SAMD5: variants seen among roughly 807,000 people sequenced by gnomAD.
SAMD5 encodes the protein sterile alpha motif domain-containing protein 5.
In SAMD5, 13 loss-of-function variants were observed where a neutral mutation model predicts 11.3. The observed-to-expected ratio is 1.15, with a 90% CI of 0.75 to 1.83. The LOEUF is 1.83. SAMD5 is among the 40% of genes most tolerant of loss of function. The pLI is 0.00. For synonymous variants in SAMD5, 129 were observed against 111.3 expected (o/e 1.16, Z -1.00); for missense variants, 255 against 239.1 (o/e 1.07, Z -0.44).
the SAMD5 span, among the ~76,000 whole-genome samples, chr6:147,942,887 C>A: frequency 6.8e-6 from 1 of 146,010 alleles, no homozygotes; most frequent in African/African-American, 2.5e-5. Flanking sequence ...TGCAGTGGCA[C>A]AATCTTGGCT....
At chr6:147,656,355 G>T (rs1002256344) in intron 1 of SAMD5, among the ~76,000 whole-genome samples, 3 of 152,058 alleles carry the variant, frequency 2.0e-5, no homozygotes, top group Admixed American at 6.6e-5. Flanking sequence ...TAAAACTTTT[G>T]CAAGTCAAAA....
the SAMD5 span, among the ~76,000 whole-genome samples, chr6:147,823,972 G>A: frequency 0.97 from 147,318 of 152,300 alleles, 71,277 homozygotes; most frequent in East Asian, 1. Flanking sequence ...GAATTATGGA[G>A]TTATGAAATT....
At chr6:147,902,485 C>A in the SAMD5 span, among the ~76,000 whole-genome samples, 1 of 152,148 alleles carries the variant, frequency 6.6e-6, no homozygotes, top group African/African-American at 2.4e-5. Context: ...ATTTCTCCAA[C>A]TAATTTTTTG....
chr6:147,680,002 C>G (rs573915369), intron 1 of SAMD5, among the ~76,000 whole-genome samples: 3 of 152,014 alleles, frequency 2.0e-5, no homozygotes, highest in African/African-American at 7.2e-5. Context: ...TTGATTACTG[C>G]AGATTTATAA....
chr6:147,814,958 G>C, the SAMD5 span, among the ~76,000 whole-genome samples: 1 of 152,262 alleles, frequency 6.6e-6, no homozygotes. Context: ...CCCCTGCTAA[G>C]GACAGGTACC....
chr6:147,583,595 C>T (rs186849068), intron 1 of SAMD5, among the ~76,000 whole-genome samples: 116 of 152,236 alleles, frequency 7.6e-4, no homozygotes, highest in Non-Finnish European at 1.2e-3. Flanking sequence ...TATTAAATTA[C>T]ATAGATAACT....
Position 147,508,940 on chromosome 6 carries a change from C to G in SAMD5, c.12C>G (p.Asn4Lys). Residue 4 changes from asparagine (N) to lysine (K), a missense_variant, in exon 1 of 2, where the codon AAC (asparagine) becomes AAG (lysine). By Grantham distance (94) the Asn-to-Lys change is moderately conservative. Coordinates refer to ENST00000367474, the MANE Select transcript of SAMD5 (RefSeq NM_001030060.3). MCT[N>K]IVYEWLKALQ... ...TTCCCGGTCCCACCATGTGCACCAA[C>G]ATAGTTTACGAGTGGCTCAAAGCGC... 6.3e-7 allele frequency: 1 copy of G among 1,594,650 alleles called. No homozygotes were observed. The highest frequency in any genetic ancestry group is 1.1e-5 in the South Asian group (1 of 88,450).
chr6:147,620,819 C>G (rs1017342527), intron 1 of SAMD5, among the ~76,000 whole-genome samples: 6 of 152,236 alleles, frequency 3.9e-5, no homozygotes, highest in South Asian at 4.2e-4. Flanking sequence ...AGAACATCTT[C>G]TTAAAGAGGG....
At position 147,630,422 on chromosome 6, in the gene SAMD5, G is replaced by C. The variant is rs2128451255; in HGVS notation, c.163-106895G>C. On this transcript the variant is annotated intron_variant, in intron 1 of 1. Transcript: ENST00000566741. The stretch of plus-strand genomic sequence containing the variant: ...CTGCACGTATTTGTCCAGACGGCCT[G>C]AAGCAAGTGAAGAATCACAAAATAA... Among the ~76,000 whole-genome samples the C allele has an allele frequency of 1.3e-5, 2 of 152,246 alleles. 1 individual carries two copies. The highest frequency in any genetic ancestry group is 3.9e-4 in the East Asian group (2 of 5,180).
intron 1 of SAMD5, among the ~76,000 whole-genome samples, chr6:147,554,874 G>A (rs1264146893): frequency 1.3e-5 from 2 of 152,154 alleles, no homozygotes; most frequent in East Asian, 3.9e-4. Context: ...TTCTCAAAGT[G>A]CCGTCCCCAA....
chr6:147,805,702 G>A, the SAMD5 span, among the ~76,000 whole-genome samples: 1 of 152,248 alleles, frequency 6.6e-6, no homozygotes, highest in Middle Eastern at 3.4e-3. Flanking sequence ...CAGCAAGATA[G>A]AGTAAAAGCT....
chr6:147,578,217 CTAAT>C (rs1285026440), intron 1 of SAMD5, among the ~76,000 whole-genome samples: 3 of 152,120 alleles, frequency 2.0e-5, no homozygotes, highest in Middle Eastern at 3.2e-3. Context: ...TTTTTTGACT[CTAAT>C]TATTAGTTGC....
At chr6:147,896,755 A>ACAAAAAACAAAAAAAC in the SAMD5 span, among the ~76,000 whole-genome samples, 1 of 142,424 alleles carries the variant, frequency 7.0e-6, no homozygotes, top group African/African-American at 2.8e-5. Flanking sequence ...AAAAAAAAAA[A>ACAAAAAACAAAAAAAC]AAAAAAAACG....
the SAMD5 span, among the ~76,000 whole-genome samples, chr6:147,933,190 C>A: frequency 1.3e-5 from 2 of 152,072 alleles, no homozygotes; most frequent in East Asian, 3.9e-4. Context: ...GCTCGTGGTC[C>A]AACACATTAG....
At chr6:147,721,607 T>A (rs892515549) in intron 1 of SAMD5, among the ~76,000 whole-genome samples, 2 of 152,188 alleles carry the variant, frequency 1.3e-5, no homozygotes, top group Non-Finnish European at 2.9e-5. Context: ...TAGCCCTTTG[T>A]CAGATAAGTA....
intron 1 of SAMD5, among the ~76,000 whole-genome samples, chr6:147,612,020 A>G (rs1789795905): frequency 1.3e-5 from 2 of 152,162 alleles, no homozygotes; most frequent in Non-Finnish European, 2.9e-5. Flanking sequence ...GCTTTCCTAT[A>G]TATGCCTTTA....
At chr6:147,674,171 C>A (rs572322641) in intron 1 of SAMD5, among the ~76,000 whole-genome samples, 2 of 152,228 alleles carry the variant, frequency 1.3e-5, no homozygotes, top group Admixed American at 1.3e-4. Flanking sequence ...TTCCTAAGTG[C>A]TACATGTCCC....
At chr6:147,916,057 C>T in the SAMD5 span, among the ~76,000 whole-genome samples, 3 of 152,016 alleles carry the variant, frequency 2.0e-5, no homozygotes, top group Non-Finnish European at 2.9e-5. Flanking sequence ...CCAGCTTCAT[C>T]CATGTCCCTA....
intron 1 of SAMD5, among the ~76,000 whole-genome samples, chr6:147,621,634 A>G (rs1363997656): frequency 6.6e-6 from 1 of 152,226 alleles, no homozygotes; most frequent in Non-Finnish European, 1.5e-5. Flanking sequence ...GGTCAGGTCA[A>G]CAAGCCAGAT....
Sources: allele counts gnomAD v4.1 joint callset (sites outside exome capture counted in the v4.1 genomes callset), GRCh38; gene constraint gnomAD v4.1.1; transcripts MANE v1.5; gene names NCBI Gene and HGNC (gene_info 2026-07-23, HGNC 2026-07-21).